Variants in TAFA5 observed in about 807,000 individuals in gnomAD.
TAFA5 encodes chemokine-like protein TAFA-5.
In TAFA5, 6 loss-of-function variants were observed where a neutral mutation model predicts 15.3. That is an observed-to-expected ratio of 0.39 (90% CI 0.21 to 0.77). The LOEUF (loss-of-function observed/expected upper bound fraction) is 0.77. Ranked by LOEUF, TAFA5 falls within the 30% of genes least tolerant of loss-of-function variation. The pLI, the probability that TAFA5 is intolerant of heterozygous loss-of-function variation, is 0.41. For missense variants in TAFA5, 161 were observed against 193.1 expected (o/e 0.83, Z 0.98); for synonymous variants, 103 against 80.7 (o/e 1.28, Z -1.48).
intron 2 of TAFA5, among the ~76,000 whole-genome samples, chr22:48,692,640 A>G (rs181171157): frequency 7.0e-4 from 107 of 152,308 alleles, no homozygotes; most frequent in African/African-American, 2.5e-3. Flanking sequence ...TGAATCCCAT[A>G]AATGATGATG....
intron 1 of TAFA5, among the ~76,000 whole-genome samples, chr22:48,600,973 G>A (rs1203102853): frequency 2.6e-5 from 4 of 152,312 alleles, no homozygotes; most frequent in Admixed American, 6.5e-5. Context: ...CGGTGCTCAC[G>A]TCGTTCAGCC....
At chr22:48,699,563 A>G (rs1350834255) in intron 2 of TAFA5, among the ~76,000 whole-genome samples, 3 of 151,964 alleles carry the variant, frequency 2.0e-5, no homozygotes, top group African/African-American at 7.3e-5. Flanking sequence ...TTACATACTT[A>G]AGGACGTGTC....
chr22:48,561,295 C>A (rs867749818), intron 1 of TAFA5, among the ~76,000 whole-genome samples: 3 of 152,144 alleles, frequency 2.0e-5, no homozygotes, highest in African/African-American at 7.2e-5. Context: ...CTCTCCCGTC[C>A]GCAGGGATAG....
rs1000964754 is a variant in TAFA5, at chr22:48,552,559, C to T, written c.112+62855C>T. On this transcript the variant is annotated intron_variant, in intron 1 of 3. Transcript: ENST00000402357. The surrounding 1 kb of genome is among the most constrained non-coding windows in gnomAD (Gnocchi z 4.1). ...AGACTTCACAGCCCGGCGGAACCCACGCCCATGCCCAGCTCTGCCTAAATG... is the reference window on the plus strand; with the variant it reads ...AGACTTCACAGCCCGGCGGAACCCATGCCCATGCCCAGCTCTGCCTAAATG... Among the ~76,000 whole-genome samples, 5 of 152,110 alleles carry T rather than the reference C, an allele frequency of 3.3e-5. No individual in the cohort carries two copies. Among genetic ancestry groups the T allele is most frequent in the East Asian group, 1.9e-4 (1 of 5,172 alleles).
rs1444582825 is a variant in TAFA5, at chr22:48,489,869, C to G, written c.112+165C>G. ...CCGGTCCAACGCTGCGCTGGGCGGG[C>G]GAGAGGGTCCACCCGGGTTCCGGGC... On this transcript the variant is annotated intron_variant, in intron 1 of 3. Coordinates refer to ENST00000402357, the MANE Select transcript of TAFA5 (RefSeq NM_001082967.3). This position sits in a 1 kb window ranked among gnomAD's most constrained non-coding sequence, Gnocchi z 5.5. 6.6e-6 allele frequency among the ~76,000 whole-genome samples: 1 copy of G among 151,776 alleles called. No homozygotes were observed. Among genetic ancestry groups the G allele is most frequent in the Non-Finnish European group, 1.5e-5 (1 of 67,930 alleles).
At chr22:48,642,045 C>A (rs993474696) in intron 1 of TAFA5, among the ~76,000 whole-genome samples, 8 of 151,656 alleles carry the variant, frequency 5.3e-5, no homozygotes, top group Non-Finnish European at 8.8e-5. Context: ...CAGCAGCATG[C>A]TGAGGGGGGC....
At chr22:48,535,742 C>G (rs1350059811) in intron 1 of TAFA5, among the ~76,000 whole-genome samples, 2 of 148,820 alleles carry the variant, frequency 1.3e-5, no homozygotes, top group Non-Finnish European at 3.0e-5. Flanking sequence ...CGGCACATCA[C>G]ACGCACGGTC....
intron 2 of TAFA5, among the ~76,000 whole-genome samples, chr22:48,696,199 G>A (rs1928706514): frequency 6.6e-6 from 1 of 152,200 alleles, no homozygotes; most frequent in African/African-American, 2.4e-5. Flanking sequence ...GGGGAGGAAG[G>A]AGACTGTGCC....
At chr22:48,623,609 G>T (rs1925930152) in intron 1 of TAFA5, among the ~76,000 whole-genome samples, 1 of 152,206 alleles carries the variant, frequency 6.6e-6, no homozygotes, top group South Asian at 2.1e-4. Flanking sequence ...ACTTCCCGGG[G>T]CTCAGCATCT....
chr22:48,493,099 C>A (rs536884077), intron 1 of TAFA5, among the ~76,000 whole-genome samples: 1 of 152,326 alleles, frequency 6.6e-6, no homozygotes, highest in East Asian at 1.9e-4. Flanking sequence ...GGACCTGGGG[C>A]AACTCCCTAT....
intron 1 of TAFA5, among the ~76,000 whole-genome samples, chr22:48,602,608 G>A (rs1296993408): frequency 2.0e-5 from 3 of 152,222 alleles, no homozygotes; most frequent in Admixed American, 2.0e-4. Context: ...CGTGGGCCCT[G>A]TGTCTTTGTT....
chr22:48,592,355 T>C (rs553234043), intron 1 of TAFA5, among the ~76,000 whole-genome samples: 25 of 152,328 alleles, frequency 1.6e-4, no homozygotes, highest in Admixed American at 5.2e-4. Flanking sequence ...GTGTTCCCCA[T>C]GCCCTGTCTG....
intron 3 of TAFA5, among the ~76,000 whole-genome samples, chr22:48,711,417 G>A (rs1929251401): frequency 6.6e-6 from 1 of 152,034 alleles, no homozygotes; most frequent in Non-Finnish European, 1.5e-5. Flanking sequence ...ACCGGGGTGG[G>A]CCCTGTAATC....
In TAFA5 at chr22:48,742,710, G is replaced by A. The variant is rs975925390; in HGVS notation, c.391-7129G>A. Reference sequence around the variant, plus strand: ...GATGGACCAGGCGACGTGGTGGGCCGGGTGGTGTGGTGAAGCCGGCAGCAC... The same window carrying A: ...GATGGACCAGGCGACGTGGTGGGCCAGGTGGTGTGGTGAAGCCGGCAGCAC... On this transcript the variant is annotated intron_variant, in intron 3 of 3. Transcript: ENST00000402357. This position sits in a 1 kb window ranked among gnomAD's most constrained non-coding sequence, Gnocchi z 6.2. Among the ~76,000 whole-genome samples the A allele has an allele frequency of 6.6e-5, 10 of 152,194 alleles. No individual in the cohort carries two copies. Among genetic ancestry groups the A allele is most frequent in the African/African-American group, 1.2e-4 (5 of 41,448 alleles).
chr22:48,681,413 C>T (rs1052630487), intron 2 of TAFA5, among the ~76,000 whole-genome samples: 2 of 150,044 alleles, frequency 1.3e-5, no homozygotes, highest in African/African-American at 4.9e-5. Flanking sequence ...GAGGCTGAGG[C>T]GGGTGGATTG....
chr22:48,634,186 T>C (rs991449087), intron 1 of TAFA5, among the ~76,000 whole-genome samples: 8 of 152,124 alleles, frequency 5.3e-5, no homozygotes, highest in Admixed American at 3.3e-4. Context: ...ATTCACCCAC[T>C]CATCACTCAC....
intron 2 of TAFA5, among the ~76,000 whole-genome samples, chr22:48,647,771 G>A (rs569266836): frequency 3.3e-5 from 5 of 152,226 alleles, no homozygotes; most frequent in African/African-American, 7.2e-5. Flanking sequence ...AGGACCCCAC[G>A]CAGGGGTATT....
At chr22:48,578,550 G>A (rs1391755245) in intron 1 of TAFA5, among the ~76,000 whole-genome samples, 6 of 152,224 alleles carry the variant, frequency 3.9e-5, no homozygotes, top group Non-Finnish European at 8.8e-5. Context: ...CACGTGTGTC[G>A]GTGTTGTGGA....
intron 1 of TAFA5, among the ~76,000 whole-genome samples, chr22:48,638,004 C>T (rs558619136): frequency 1.3e-5 from 2 of 152,060 alleles, no homozygotes; most frequent in Non-Finnish European, 2.9e-5. Flanking sequence ...ACAAGACAGT[C>T]GCTGAGGACA....
Sources: allele counts gnomAD v4.1 joint callset (sites outside exome capture counted in the v4.1 genomes callset), GRCh38; gene constraint gnomAD v4.1.1; non-coding constraint Gnocchi (gnomAD v3.1); transcripts MANE v1.5; gene names NCBI Gene and HGNC (gene_info 2026-07-23, HGNC 2026-07-21).